GARS1: variants seen among roughly 807,000 people sequenced by gnomAD.
GARS1 encodes the protein glycine--tRNA ligase.
A neutral mutation model predicts 86.4 loss-of-function variants in GARS1; 46 were observed. The ratio of observed to expected loss-of-function variants is 0.53; its 90% CI spans 0.42 to 0.68. The LOEUF (loss-of-function observed/expected upper bound fraction) is 0.68. GARS1 is among the 30% of genes least tolerant of loss of function. GARS1 has a pLI of 0.00. For synonymous variants in GARS1, 342 were observed against 329.8 expected (o/e 1.04, Z -0.40); for missense variants, 797 against 915.6 (o/e 0.87, Z 1.67).
Position 30,599,955 on chromosome 7 carries a change from G to A in GARS1, c.333G>A (p.Ala111=), listed in dbSNP as rs762212188. 5.2e-5 allele frequency: 84 copies of A among 1,612,202 alleles called. No individual in the cohort carries two copies. Among genetic ancestry groups the A allele is most frequent in the Non-Finnish European group, 4.8e-5 (57 of 1,178,680 alleles). Residue 111 remains alanine (A), a synonymous_variant, in exon 3 of 17, where the codon GCG becomes GCA. Coordinates refer to ENST00000389266, the MANE Select transcript of GARS1 (RefSeq NM_002047.4). ...RKRVLEAKEL[A]LQPKDDIVDR... Reference sequence around the variant, plus strand: ...TATTTAATCTCTAACAGGAGCTGGCGTTACAGCCCAAAGATGATATTGTAG... The same window carrying A: ...TATTTAATCTCTAACAGGAGCTGGCATTACAGCCCAAAGATGATATTGTAG...
chr7:30,610,850 A>G (rs1791585214), intron 7 of GARS1, among the ~76,000 whole-genome samples: 1 of 152,224 alleles, frequency 6.6e-6, no homozygotes. Context: ...AATGTGAGAA[A>G]TTTGTGCCAT....
rs202117737 is a variant in GARS1, at chr7:30,594,972, G to A, written c.51G>A (p.Leu17=). 343 of 1,595,148 alleles carry A rather than the reference G, an allele frequency of 2.2e-4. 2 individuals carry two copies. The Admixed American group carries it at 5.6e-3, about 26-fold the overall frequency. Residue 17 remains leucine, a synonymous_variant, in exon 1 of 17, where the codon CTG becomes CTA. Coordinates refer to ENST00000389266, the MANE Select transcript of GARS1 (RefSeq NM_002047.4). ...TTAGAGGTGCTCGCGCCGCTCTGCTGCTGCTGCTGCCGCCCCGGCTCTTAG... is the reference window on the plus strand; with the variant it reads ...TTAGAGGTGCTCGCGCCGCTCTGCTACTGCTGCTGCCGCCCCGGCTCTTAG... ...VLLRGARAAL[L]LLLPPRLLAR...
At chr7:30,594,765 A>C (rs1002774216), upstream of GARS1, 4 of 636,522 alleles carry the variant, frequency 6.3e-6, no homozygotes, top group African/African-American at 5.6e-5. Context: ...TTTTGTGTCG[A>C]ATCTGCGGCG....
chr7:30,630,211 G>T (rs1447112283), intron 14 of GARS1, among the ~76,000 whole-genome samples: 1 of 152,116 alleles, frequency 6.6e-6, no homozygotes, highest in African/African-American at 2.4e-5. Flanking sequence ...ATATTAAATA[G>T]AAATATCACA....
At chr7:30,596,380 C>T (rs1371552346) in intron 1 of GARS1, among the ~76,000 whole-genome samples, 1 of 152,202 alleles carries the variant, frequency 6.6e-6, no homozygotes, top group Non-Finnish European at 1.5e-5. Context: ...CCTCCACCCA[C>T]CTTCCACTCC....
chr7:30,594,760 T>C, upstream of GARS1: 1 of 623,868 alleles, frequency 1.6e-6, no homozygotes, highest in Non-Finnish European at 2.8e-6. Context: ...CCGGGTTTTG[T>C]GTCGAATCTG....
Position 30,598,779 on chromosome 7 carries a change from T to G in GARS1, c.223-17T>G. On this transcript the variant is annotated splice_polypyrimidine_tract_variant and intron_variant, in intron 1 of 16. Coordinates refer to ENST00000389266, the MANE Select transcript of GARS1 (RefSeq NM_002047.4). ...TTCTGAAACCAATCCTGAATATAAA[T>G]TCTCTTTCTTGGCTAGGGAGATCTT... The G allele has an allele frequency of 6.3e-7, 1 of 1,594,338 alleles. No individual in the cohort carries two copies. The highest frequency in any genetic ancestry group is 1.1e-5 in the South Asian group (1 of 90,712).
intron 2 of GARS1, 125 bp downstream of exon 2, chr7:30,599,022 A>G: frequency 1.3e-6 from 1 of 758,670 alleles, no homozygotes; most frequent in East Asian, 2.7e-5. Flanking sequence ...CTGTTTATCC[A>G]TAATGCCGCC....
At chr7:30,630,704 C>G (rs1783219569) in intron 14 of GARS1, among the ~76,000 whole-genome samples, 1 of 151,836 alleles carries the variant, frequency 6.6e-6, no homozygotes, top group Admixed American at 6.6e-5. Flanking sequence ...GAGATGGGGT[C>G]TTGCCATGTT....
chr7:30,626,332 A>C lies in GARS1; in HGVS notation c.1699+13A>C. The stretch of plus-strand genomic sequence containing the variant: ...AAAACACTATATGGTAAATTTGTAA[A>C]AATAATAAACAAAAAGTCACTGCTC... On this transcript the variant is annotated intron_variant, in intron 13 of 16. Transcript: ENST00000389266. 1 of 1,475,748 alleles carries C rather than the reference A, an allele frequency of 6.8e-7. No individual in the cohort carries two copies. Among genetic ancestry groups the C allele is most frequent in the Non-Finnish European group, 9.5e-7 (1 of 1,055,590 alleles). 91.4% of individuals were successfully genotyped at this position (1,475,748 alleles called of 1,614,324 possible). A position where few individuals can be genotyped will look rare whatever the true frequency, so the allele number is the denominator to read the frequency against.
chr7:30,605,455 T>C (rs1773782446), intron 6 of GARS1, among the ~76,000 whole-genome samples: 1 of 152,250 alleles, frequency 6.6e-6, no homozygotes, highest in Admixed American at 6.5e-5. Context: ...ATCACCCTGC[T>C]TCACTGTTAG....
At chr7:30,606,824 G>C (rs1352910611) in intron 6 of GARS1, among the ~76,000 whole-genome samples, 1 of 152,118 alleles carries the variant, frequency 6.6e-6, no homozygotes, top group Non-Finnish European at 1.5e-5. Flanking sequence ...CTAGGAAGTT[G>C]ATATTTTTTA....
At chr7:30,594,757 T>G, upstream of GARS1, 1 of 618,714 alleles carries the variant, frequency 1.6e-6, no homozygotes, top group Non-Finnish European at 2.8e-6. Flanking sequence ...CTTCCGGGTT[T>G]TGTGTCGAAT....
chr7:30,611,537 T>C (rs1158598433), intron 7 of GARS1, among the ~76,000 whole-genome samples: 1 of 152,144 alleles, frequency 6.6e-6, no homozygotes, highest in Non-Finnish European at 1.5e-5. Context: ...CAGGCTGGAG[T>C]GCAATGGCGT....
At chr7:30,624,765 C>A (rs1289794674) in intron 12 of GARS1, among the ~76,000 whole-genome samples, 1 of 152,132 alleles carries the variant, frequency 6.6e-6, no homozygotes, top group Non-Finnish European at 1.5e-5. Context: ...GTTGAAGATA[C>A]CTGTTTCAGA....
At chr7:30,604,037 A>G (rs1192338732) in intron 6 of GARS1, among the ~76,000 whole-genome samples, 2 of 152,152 alleles carry the variant, frequency 1.3e-5, no homozygotes, top group Non-Finnish European at 2.9e-5. Context: ...CAGTTTGCCT[A>G]TAGGCCTAAA....
At chr7:30,601,879 C>T (rs1190068886) in intron 4 of GARS1, among the ~76,000 whole-genome samples, 6 of 151,818 alleles carry the variant, frequency 4.0e-5, no homozygotes, top group East Asian at 3.9e-4. Context: ...CCCAGGTTCA[C>T]GCCATTCTCC....
At chr7:30,628,439 C>A in intron 13 of GARS1, 121 bp from the exon 14 acceptor site, 1 of 700,912 alleles carries the variant, frequency 1.4e-6, no homozygotes, top group Non-Finnish European at 2.6e-6. Flanking sequence ...CCTACCTCAG[C>A]CTCCCAAAAT....
chr7:30,631,627 A>G, intron 15 of GARS1, 86 bp downstream of exon 15: 1 of 859,634 alleles, frequency 1.2e-6, no homozygotes, highest in Non-Finnish European at 2.0e-6. Flanking sequence ...TTCAATAAAA[A>G]TATAGACTGA....
Sources: allele counts gnomAD v4.1 joint callset (sites outside exome capture counted in the v4.1 genomes callset), GRCh38; gene constraint gnomAD v4.1.1; transcripts MANE v1.5; gene names NCBI Gene and HGNC (gene_info 2026-07-23, HGNC 2026-07-21).